The following CNBD1 variants were observed in gnomAD, a reference collection of about 807,000 sequenced individuals.
The protein encoded by CNBD1 is cyclic nucleotide-binding domain-containing protein 1.
Under a neutral mutation model 54.4 loss-of-function variants are expected in CNBD1, and 71 were observed. The ratio of observed to expected loss-of-function variants is 1.30; its 90% CI spans 1.08 to 1.59. The LOEUF is 1.59. CNBD1 is among the 40% of genes most tolerant of loss of function. The probability of loss-of-function intolerance (pLI) is 0.00; values close to 1 mark genes in which losing one functional copy is unlikely to be tolerated. For missense variants in CNBD1, 659 were observed against 518.0 expected (o/e 1.27, Z -2.64); for synonymous variants, 182 against 170.7 (o/e 1.07, Z -0.51).
chr8:86,886,800 T>A (rs895156072), intron 1 of CNBD1, among the ~76,000 whole-genome samples: 9 of 152,180 alleles, frequency 5.9e-5, no homozygotes, highest in South Asian at 2.1e-4. Context: ...ATTTATTATT[T>A]TTTTTTACAA....
chr8:87,079,453 A>G (rs1563460225), intron 4 of CNBD1, among the ~76,000 whole-genome samples: 1 of 152,114 alleles, frequency 6.6e-6, no homozygotes, highest in Non-Finnish European at 1.5e-5. Flanking sequence ...TGAGAGTCTC[A>G]GTTACCTTCA....
At chr8:86,915,182 G>A (rs1809163833) in intron 3 of CNBD1, among the ~76,000 whole-genome samples, 1 of 152,146 alleles carries the variant, frequency 6.6e-6, no homozygotes, top group African/African-American at 2.4e-5. Flanking sequence ...TGTGGGAAAT[G>A]GTCCTCCTGT....
At chr8:87,419,429 G>A (rs1044238972) in intron 2 of CNBD1, among the ~76,000 whole-genome samples, 3 of 151,814 alleles carry the variant, frequency 2.0e-5, no homozygotes, top group Admixed American at 6.6e-5. Context: ...CTGTTTAAAG[G>A]CGTGAATTTT....
chr8:87,294,162 A>T (rs2130876879), intron 8 of CNBD1, among the ~76,000 whole-genome samples: 2 of 152,310 alleles, frequency 1.3e-5, no homozygotes, highest in Middle Eastern at 6.8e-3. Flanking sequence ...GTAGTACCAG[A>T]GGCAAAGAGA....
downstream of CNBD1, among the ~76,000 whole-genome samples, chr8:87,387,790 C>A (rs550928802): frequency 6.6e-6 from 1 of 152,328 alleles, no homozygotes. Flanking sequence ...CATCCCAAAT[C>A]AGCAGAATAT....
At chr8:87,183,372 T>C (rs1354386324) in intron 4 of CNBD1, among the ~76,000 whole-genome samples, 2 of 133,612 alleles carry the variant, frequency 1.5e-5, no homozygotes, top group African/African-American at 5.7e-5. Context: ...GTTTGTTTGT[T>C]TTTGCGCTGT....
intron 4 of CNBD1, among the ~76,000 whole-genome samples, chr8:87,009,856 T>A (rs1370272798): frequency 6.6e-6 from 1 of 152,192 alleles, no homozygotes; most frequent in Non-Finnish European, 1.5e-5. Flanking sequence ...AATTCTAAGA[T>A]GCAATAATTT....
chr8:87,082,643 C>A (rs1302568161), intron 4 of CNBD1, among the ~76,000 whole-genome samples: 1 of 151,320 alleles, frequency 6.6e-6, no homozygotes, highest in Non-Finnish European at 1.5e-5. Flanking sequence ...ACACTGCATA[C>A]AACTGAACCC....
intron 8 of CNBD1, among the ~76,000 whole-genome samples, chr8:87,287,908 AT>A (rs955022332): frequency 2.0e-5 from 3 of 151,976 alleles, no homozygotes; most frequent in Non-Finnish European, 4.4e-5. Context: ...TCAAATAACT[AT>A]TTTTGCTCAT....
At chr8:87,031,450 T>C (rs943548333) in intron 4 of CNBD1, among the ~76,000 whole-genome samples, 3 of 152,180 alleles carry the variant, frequency 2.0e-5, no homozygotes, top group Non-Finnish European at 4.4e-5. Flanking sequence ...GGGCTCATTT[T>C]GATTAGTGGC....
chr8:87,227,381 G>A (rs1326371595), intron 5 of CNBD1, among the ~76,000 whole-genome samples: 8 of 149,172 alleles, frequency 5.4e-5, no homozygotes, highest in Admixed American at 4.0e-4. Flanking sequence ...GCTGGTACCG[G>A]TTGTTCCTTT....
chr8:87,353,708 C>T lies in CNBD1; in HGVS notation c.1225C>T (p.Leu409Phe). 7 of 1,611,362 alleles carry T rather than the reference C, an allele frequency of 4.3e-6. No homozygotes were observed. Among genetic ancestry groups the T allele is most frequent in the African/African-American group, 1.3e-5 (1 of 74,964 alleles). ...GTCCTTTGGTGAGATTAGCGTCCTTCTTCAAGTTCCTTTCACGTGCACAAT... is the reference window on the plus strand; with the variant it reads ...GTCCTTTGGTGAGATTAGCGTCCTTTTTCAAGTTCCTTTCACGTGCACAAT... ...KESFGEISVL[L>F]QVPFTCTIIT... is the part of the protein sequence containing the mutation. The change falls in exon 10 of 11, where the codon CTT (leucine) becomes TTT (phenylalanine). Residue 409 changes from leucine (L) to phenylalanine (F), a missense_variant. By Grantham distance (22) the Leu-to-Phe change is conservative. Coordinates refer to ENST00000518476, the MANE Select transcript of CNBD1 (RefSeq NM_173538.3).
intron 2 of CNBD1, among the ~76,000 whole-genome samples, chr8:87,411,514 C>T (rs1420756235): frequency 6.7e-6 from 1 of 148,248 alleles, no homozygotes; most frequent in Non-Finnish European, 1.5e-5. Context: ...CATATCCAAC[C>T]AATTAAGCCA....
intron 10 of CNBD1, among the ~76,000 whole-genome samples, chr8:87,363,262 G>A (rs1402735051): frequency 6.6e-6 from 1 of 151,820 alleles, no homozygotes; most frequent in Non-Finnish European, 1.5e-5. Flanking sequence ...CAATTGGGTT[G>A]GTTCCAAGTA....
At chr8:87,143,212 C>T (rs1812408082) in intron 4 of CNBD1, among the ~76,000 whole-genome samples, 1 of 152,110 alleles carries the variant, frequency 6.6e-6, no homozygotes, top group Admixed American at 6.6e-5. Context: ...TTCCTAACAT[C>T]AAGTCTTCAT....
intron 6 of CNBD1, among the ~76,000 whole-genome samples, chr8:87,269,766 G>T (rs1808326897): frequency 6.6e-6 from 1 of 151,956 alleles, no homozygotes; most frequent in Admixed American, 6.6e-5. Flanking sequence ...AATTGAATCA[G>T]CAATAAAAAA....
Position 86,984,135 on chromosome 8 carries a change from A to G in CNBD1, c.431+44381A>G, listed in dbSNP as rs140876064. Among the ~76,000 whole-genome samples, 689 of 152,260 alleles carry G rather than the reference A, an allele frequency of 4.5e-3. 6 individuals are homozygous for G. Among genetic ancestry groups the G allele is most frequent in the African/African-American group, 0.016 (663 of 41,548 alleles). On this transcript the variant is annotated intron_variant, in intron 4 of 10. Transcript: ENST00000518476. ...TCCCAGCCTCTCCAGCCATGACTAA[A>G]AGTGGCAAACATAGAGCTTGGGCTG...
chr8:86,953,131 T>C (rs1349615002), intron 4 of CNBD1, among the ~76,000 whole-genome samples: 1 of 152,246 alleles, frequency 6.6e-6, no homozygotes, highest in Non-Finnish European at 1.5e-5. Flanking sequence ...TCTAAGTATA[T>C]GTTGATGAAC....
intron 4 of CNBD1, among the ~76,000 whole-genome samples, chr8:87,130,517 C>A (rs575061577): frequency 6.6e-6 from 1 of 152,112 alleles, no homozygotes; most frequent in East Asian, 1.9e-4. Flanking sequence ...TGGTTCACAC[C>A]TCTAATTCTA....
Sources: allele counts gnomAD v4.1 joint callset (sites outside exome capture counted in the v4.1 genomes callset), GRCh38; gene constraint gnomAD v4.1.1; transcripts MANE v1.5; gene names NCBI Gene and HGNC (gene_info 2026-07-23, HGNC 2026-07-21).